The following CDH12 variants were observed in gnomAD, a reference collection of about 807,000 sequenced individuals.
CDH12 encodes cadherin-12.
Under a neutral mutation model 74.1 loss-of-function variants are expected in CDH12, and 41 were observed. That is an observed-to-expected ratio of 0.55 (90% confidence interval 0.43 to 0.72). The LOEUF (loss-of-function observed/expected upper bound fraction) is 0.72, where lower values mean the gene tolerates loss of function less well. Among genes scored for constraint, CDH12 ranks in the 30% least tolerant of loss-of-function variants. The pLI is 0.00. For synonymous variants in CDH12, 399 were observed against 355.0 expected, an observed-to-expected ratio of 1.12 and a Z score of -1.39; for missense variants, 945 against 977.2, an observed-to-expected ratio of 0.97 and a Z score of 0.44.
intron 1 of CDH12, among the ~76,000 whole-genome samples, chr5:22,839,842 C>T (rs1233066199): frequency 1.3e-5 from 2 of 152,102 alleles, no homozygotes; most frequent in Non-Finnish European, 2.9e-5. Flanking sequence ...GGTAAAGTAG[C>T]TAAATATTCG....
intron 4 of CDH12, among the ~76,000 whole-genome samples, chr5:22,121,160 A>C (rs774254870): frequency 2.0e-5 from 3 of 151,994 alleles, no homozygotes; most frequent in Non-Finnish European, 2.9e-5. Flanking sequence ...TTGACAGGCA[A>C]TTCTCCATGG....
At chr5:21,930,943 C>G (rs1754808192) in intron 6 of CDH12, among the ~76,000 whole-genome samples, 1 of 152,068 alleles carries the variant, frequency 6.6e-6, no homozygotes, top group South Asian at 2.1e-4. Context: ...ATCCCATAAC[C>G]TAAAAGGGAT....
At chr5:22,421,464 C>T (rs1261381) in intron 2 of CDH12, among the ~76,000 whole-genome samples, 141,643 of 152,268 alleles carry the variant, frequency 0.93, 65,940 homozygotes, top group Admixed American at 0.96. Flanking sequence ...TTTGTTATTT[C>T]GCTGAGAATG....
intron 1 of CDH12, among the ~76,000 whole-genome samples, chr5:22,561,446 A>G (rs1219850481): frequency 6.6e-6 from 1 of 152,190 alleles, no homozygotes; most frequent in Non-Finnish European, 1.5e-5. Context: ...GCATATAATT[A>G]AAACAAATTA....
chr5:22,316,048 G>T (rs1157915623), intron 3 of CDH12, among the ~76,000 whole-genome samples: 2 of 152,106 alleles, frequency 1.3e-5, no homozygotes, highest in Non-Finnish European at 2.9e-5. Flanking sequence ...CCTGACAAGA[G>T]AATGTGACAG....
At chr5:22,154,490 T>C (rs891924363) in intron 4 of CDH12, among the ~76,000 whole-genome samples, 1 of 3,726 alleles carries the variant, frequency 2.7e-4, no homozygotes, top group Non-Finnish European at 6.5e-4. Context: ...TATGTACACA[T>C]ATATATGTAC....
At chr5:22,430,718 T>C (rs66485180) in intron 2 of CDH12, among the ~76,000 whole-genome samples, 14,702 of 152,178 alleles carry the variant, frequency 0.097, 881 homozygotes, top group Non-Finnish European at 0.14. Flanking sequence ...TATTATACAA[T>C]AGAAATATTG....
At chr5:21,918,888 C>A (rs1754227293) in intron 6 of CDH12, among the ~76,000 whole-genome samples, 1 of 152,038 alleles carries the variant, frequency 6.6e-6, no homozygotes, top group South Asian at 2.1e-4. Context: ...CTTGTTATTT[C>A]CTTATTATCA....
intron 9 of CDH12, among the ~76,000 whole-genome samples, chr5:21,816,066 T>A (rs1392779591): frequency 6.6e-6 from 1 of 152,108 alleles, no homozygotes; most frequent in East Asian, 1.9e-4. Flanking sequence ...TGTTTTCAAT[T>A]TAAAATACAG....
At chr5:22,814,844 T>C (rs1749311054) in intron 1 of CDH12, among the ~76,000 whole-genome samples, 1 of 152,152 alleles carries the variant, frequency 6.6e-6, no homozygotes, top group Non-Finnish European at 1.5e-5. Context: ...AATATTTAAG[T>C]AAAATAAAGA....
chr5:22,094,265 C>T (rs1434294515), intron 4 of CDH12, among the ~76,000 whole-genome samples: 3 of 152,142 alleles, frequency 2.0e-5, no homozygotes, highest in African/African-American at 7.2e-5. Context: ...AGCCTTGGAA[C>T]CAACTTAAGA....
chr5:21,757,779 G>A (rs894365619), intron 13 of CDH12, among the ~76,000 whole-genome samples: 1 of 152,164 alleles, frequency 6.6e-6, no homozygotes, highest in Non-Finnish European at 1.5e-5. Context: ...GGTGAATGAT[G>A]TGACTATCTA....
At chr5:22,460,522 A>G (rs970183113) in intron 2 of CDH12, among the ~76,000 whole-genome samples, 2 of 152,142 alleles carry the variant, frequency 1.3e-5, no homozygotes, top group Admixed American at 6.5e-5. Flanking sequence ...CTCAAAAATT[A>G]CTCATTATTT....
At chr5:22,452,521 C>T (rs565605306) in intron 2 of CDH12, among the ~76,000 whole-genome samples, 4 of 151,862 alleles carry the variant, frequency 2.6e-5, no homozygotes, top group East Asian at 1.9e-4. Flanking sequence ...TATCCACATG[C>T]GGAAGAATGA....
chr5:22,564,424 T>A (rs1484855445), intron 1 of CDH12, among the ~76,000 whole-genome samples: 2 of 152,218 alleles, frequency 1.3e-5, no homozygotes, highest in Non-Finnish European at 2.9e-5. Context: ...CACCAGTTCA[T>A]TTTGAGAGTG....
At chr5:22,069,948 T>C (rs950219832) in intron 5 of CDH12, among the ~76,000 whole-genome samples, 1 of 152,174 alleles carries the variant, frequency 6.6e-6, no homozygotes, top group African/African-American at 2.4e-5. Context: ...CCAGCTGAGT[T>C]GCTTGCTGAC....
intron 3 of CDH12, among the ~76,000 whole-genome samples, chr5:22,249,135 T>C (rs1753054550): frequency 6.6e-6 from 1 of 152,146 alleles, no homozygotes; most frequent in Non-Finnish European, 1.5e-5. Flanking sequence ...CCAATATCCC[T>C]TTTAATGAGA....
intron 6 of CDH12, among the ~76,000 whole-genome samples, chr5:21,873,550 C>T (rs1751760086): frequency 6.6e-6 from 1 of 152,180 alleles, no homozygotes; most frequent in Non-Finnish European, 1.5e-5. Context: ...CTCAACTAAA[C>T]CTGCCAGAAG....
In CDH12 at chr5:22,505,307, C is replaced by T. The variant is rs780554380; in HGVS notation, c.-465G>A. On this transcript the variant is annotated 5_prime_UTR_variant, in exon 2 of 15. Transcript: ENST00000382254. The stretch of plus-strand genomic sequence containing the variant: ...TGGCATTCTTTAAAACTCCCAACTG[C>T]TCCTGGGTTCCAGCTTGTCTATATT... 264 of 984,918 alleles carry T rather than the reference C, an allele frequency of 2.7e-4. No homozygotes were observed. Among genetic ancestry groups the T allele is most frequent in the Non-Finnish European group, 3.0e-4 (253 of 829,672 alleles). The allele number at this position is 984,918 out of a possible 1,614,324, so 61.0% of individuals were successfully genotyped here.
Sources: gnomAD v4.1 joint callset for allele counts (sites outside exome capture counted in the v4.1 genomes callset) on GRCh38, gnomAD v4.1.1 for gene constraint, MANE v1.5 for transcripts, NCBI Gene and HGNC (gene_info 2026-07-23, HGNC 2026-07-21) for gene names.